The following SYT16 variants were observed in gnomAD, a reference collection of about 807,000 sequenced individuals.
The protein encoded by SYT16 is synaptotagmin-16.
Under a neutral mutation model 61.4 loss-of-function variants are expected in SYT16, and 42 were observed. The observed-to-expected ratio is 0.68, with a 90% CI of 0.53 to 0.89. The LOEUF (loss-of-function observed/expected upper bound fraction) is 0.89. Among genes scored for constraint, SYT16 ranks in the 40% least tolerant of loss-of-function variants. The pLI, the probability that SYT16 is intolerant of heterozygous loss-of-function variation, is 0.00. For missense variants in SYT16, 804 were observed against 807.3 expected (o/e 1.00, Z 0.05); for synonymous variants, 314 against 302.3 (o/e 1.04, Z -0.40).
chr14:62,058,719 T>C (rs997360584), intron 3 of SYT16, among the ~76,000 whole-genome samples: 1 of 152,156 alleles, frequency 6.6e-6, no homozygotes, highest in Non-Finnish European at 1.5e-5. Context: ...CATTTTACAT[T>C]TTCACCAGGA....
chr14:62,075,533 G>A, intron 5 of SYT16, 142 bp downstream of exon 5: 1 of 873,434 alleles, frequency 1.1e-6, no homozygotes, highest in Non-Finnish European at 1.6e-6. Context: ...TTGTCCAGAT[G>A]ACCAAAATCC....
intron 6 of SYT16, 59 bp from the exon 7 acceptor site, chr14:62,084,137 C>T (rs2056804924): frequency 6.4e-7 from 1 of 1,556,852 alleles, no homozygotes; most frequent in Admixed American, 2.1e-5. Flanking sequence ...TATCGGCTTT[C>T]TCTAAAAGAG....
At chr14:61,900,937 T>A (rs2048492721) in intron 1 of SYT16, among the ~76,000 whole-genome samples, 1 of 152,242 alleles carries the variant, frequency 6.6e-6, no homozygotes. Flanking sequence ...GGATGCCAGG[T>A]GGCCACATAC....
In SYT16 at chr14:61,878,319, G is replaced by C. The variant is rs150300149; in HGVS notation, c.-325+65509G>C. Among the ~76,000 whole-genome samples the C allele has an allele frequency of 4.2e-3, 644 of 152,258 alleles. 3 individuals carry two copies. The highest frequency in any genetic ancestry group is 9.6e-3 in the Admixed American group (147 of 15,306). On this transcript the variant is annotated intron_variant, in intron 1 of 7. Transcript: ENST00000683842. Reference sequence around the variant, plus strand: ...TTATTTCTTGCCTCCTTTTTGCTCAGTTATGTAAACGTCCATTTGTGGGAA... The same window carrying C: ...TTATTTCTTGCCTCCTTTTTGCTCACTTATGTAAACGTCCATTTGTGGGAA...
intron 1 of SYT16, among the ~76,000 whole-genome samples, chr14:61,910,161 C>T (rs1196477828): frequency 1.3e-5 from 2 of 152,140 alleles, no homozygotes; most frequent in African/African-American, 4.8e-5. Context: ...ATATGCCCTC[C>T]AACTCTGTTA....
At chr14:62,046,129 T>A (rs1420396335) in intron 3 of SYT16, among the ~76,000 whole-genome samples, 1 of 152,220 alleles carries the variant, frequency 6.6e-6, no homozygotes, top group Non-Finnish European at 1.5e-5. Context: ...TCCTGACTTT[T>A]TAATGATCGC....
chr14:61,966,502 A>T (rs1245670539), intron 1 of SYT16, among the ~76,000 whole-genome samples: 1 of 152,028 alleles, frequency 6.6e-6, no homozygotes, highest in Non-Finnish European at 1.5e-5. Flanking sequence ...CTTTTTAATA[A>T]ATACAAATAT....
At chr14:61,850,378 G>T (rs2046576520) in intron 1 of SYT16, among the ~76,000 whole-genome samples, 1 of 151,794 alleles carries the variant, frequency 6.6e-6, no homozygotes, top group Admixed American at 6.6e-5. Flanking sequence ...TAGATTATCT[G>T]CCTACCTTGG....
At chr14:61,842,956 A>T (rs1173246686) in intron 1 of SYT16, among the ~76,000 whole-genome samples, 1 of 152,192 alleles carries the variant, frequency 6.6e-6, no homozygotes, top group African/African-American at 2.4e-5. Flanking sequence ...TTAAAAAAGT[A>T]TCACATTTTC....
rs200338015 is a variant in SYT16 at position 61,835,202 on chromosome 14, G to GT, written c.-325+22392_-325+22393insT. 9.4e-3 allele frequency among the ~76,000 whole-genome samples: 1,413 copies of GT among 150,510 alleles called. 28 individuals are homozygous for GT. The highest frequency in any genetic ancestry group is 0.032 in the African/African-American group (1,323 of 40,906). Reference sequence around the variant, plus strand: ...AGTGGAGTAATGTGTATAAGGACCTGCCTTTTCAATAAATAGTACACTGTA... The same window carrying GT: ...AGTGGAGTAATGTGTATAAGGACCTGTCCTTTTCAATAAATAGTACACTGTA... On this transcript the variant is annotated intron_variant, in intron 1 of 7. Coordinates refer to ENST00000683842, the MANE Select transcript of SYT16 (RefSeq NM_001367656.1).
intron 3 of SYT16, among the ~76,000 whole-genome samples, chr14:62,033,661 T>C (rs770593664): frequency 9.3e-5 from 14 of 151,294 alleles, no homozygotes; most frequent in Non-Finnish European, 1.6e-4. Context: ...GAATATATAA[T>C]TAATATCCAA....
intron 3 of SYT16, among the ~76,000 whole-genome samples, chr14:62,012,226 TC>T (rs974618283): frequency 3.7e-4 from 56 of 152,260 alleles, no homozygotes; most frequent in African/African-American, 1.3e-3. Flanking sequence ...CTGGGCTGCA[TC>T]CTCATCTGGA....
chr14:61,826,779 C>T (rs983154925), intron 1 of SYT16, among the ~76,000 whole-genome samples: 4 of 152,014 alleles, frequency 2.6e-5, no homozygotes, highest in African/African-American at 7.3e-5. Context: ...ACAACACACA[C>T]GTATTTTCCT....
chr14:61,968,652 A>G (rs2051417618), intron 1 of SYT16, among the ~76,000 whole-genome samples: 1 of 152,128 alleles, frequency 6.6e-6, no homozygotes, highest in South Asian at 2.1e-4. Context: ...TCCATGTGTT[A>G]CCTCTGTTAA....
intron 2 of SYT16, 64 bp downstream of exon 2, chr14:61,970,375 C>T (rs2051495230): frequency 6.6e-6 from 1 of 152,174 alleles, no homozygotes; most frequent in African/African-American, 2.4e-5. Context: ...TCAGGGTGGA[C>T]ATGATGAATC....
At chr14:61,954,598 A>G (rs961157944) in intron 1 of SYT16, among the ~76,000 whole-genome samples, 1 of 152,110 alleles carries the variant, frequency 6.6e-6, no homozygotes, top group African/African-American at 2.4e-5. Context: ...ATGGCACTTA[A>G]ATTTCTTGAC....
intron 3 of SYT16, among the ~76,000 whole-genome samples, chr14:61,998,481 C>T (rs778226881): frequency 2.6e-5 from 4 of 151,956 alleles, no homozygotes; most frequent in African/African-American, 4.8e-5. Flanking sequence ...CTTTCACCTA[C>T]CATAACGCGT....
intron 7 of SYT16, among the ~76,000 whole-genome samples, chr14:62,085,497 G>A (rs1448998684): frequency 6.6e-6 from 1 of 152,164 alleles, no homozygotes; most frequent in Non-Finnish European, 1.5e-5. Flanking sequence ...TTTGTGGCAG[G>A]CTGAAAGAGT....
intron 2 of SYT16, among the ~76,000 whole-genome samples, chr14:61,978,338 C>G (rs1183373878): frequency 1.3e-5 from 2 of 152,168 alleles, no homozygotes; most frequent in African/African-American, 4.8e-5. Context: ...TTTCCTCCAG[C>G]ACTGGTATTC....
Sources: allele counts gnomAD v4.1 joint callset (sites outside exome capture counted in the v4.1 genomes callset), GRCh38; gene constraint gnomAD v4.1.1; transcripts MANE v1.5; gene names NCBI Gene and HGNC (gene_info 2026-07-23, HGNC 2026-07-21).